DGKH: variants seen among roughly 807,000 people sequenced by gnomAD.
DGKH encodes diacylglycerol kinase eta.
DGKH carries 90 observed loss-of-function variants against 159.3 expected under a neutral mutation model. The observed-to-expected ratio is 0.57, with a 90% confidence interval of 0.48 to 0.67. DGKH has a LOEUF of 0.67. Among genes scored for constraint, DGKH ranks in the 30% least tolerant of loss-of-function variants. The probability of loss-of-function intolerance (pLI) is 0.00; values close to 1 mark genes in which losing one functional copy is unlikely to be tolerated. For missense variants in DGKH, 1,181 were observed against 1,506.1 expected (o/e 0.78, Z 3.57); for synonymous variants, 536 against 553.8 (o/e 0.97, Z 0.45).
At chr13:42,159,874 C>T (rs368272579) in intron 6 of DGKH, 137 bp from the exon 7 acceptor site, 7 of 1,240,796 alleles carry the variant, frequency 5.6e-6, no homozygotes, top group South Asian at 1.4e-5. Flanking sequence ...GCTCAATAAA[C>T]GTGGGGTAAA....
rs1958512515 is a variant in DGKH, at chr13:42,241,475, G to A, written c.*12287G>A. On this transcript the variant is annotated 3_prime_UTR_variant, in exon 30 of 30. Coordinates refer to ENST00000337343, the MANE Select transcript of DGKH (RefSeq NM_178009.5). ...AGCCACCAATAATTTTGACTGTTTT[G>A]TCAAGTACATATTTCATCAATCCTA... 1 of 152,120 alleles carries A rather than the reference G, an allele frequency of 6.6e-6. No individual in the cohort carries two copies. The highest frequency in any genetic ancestry group is 2.1e-4 in the South Asian group (1 of 4,822). The allele number at this position is 152,120 out of a possible 1,614,324, so 9.4% of individuals were successfully genotyped here.
chr13:42,207,058 C>CTTTCT (rs1957506547), intron 21 of DGKH, among the ~76,000 whole-genome samples: 2 of 27,860 alleles, frequency 7.2e-5, no homozygotes, highest in African/African-American at 1.2e-4. Context: ...TCCTTCTTTC[C>CTTTCT]TTCCTTCTTT....
chr13:42,170,740 C>T (rs896377107), intron 11 of DGKH, among the ~76,000 whole-genome samples: 1 of 152,048 alleles, frequency 6.6e-6, no homozygotes, highest in African/African-American at 2.4e-5. Flanking sequence ...GTCAGGAGTT[C>T]GAGACCAGCC....
chr13:42,205,916 G>C (rs905016634), intron 20 of DGKH, 123 bp from the exon 21 acceptor site: 6 of 458,106 alleles, frequency 1.3e-5, no homozygotes, highest in Non-Finnish European at 2.2e-5. Context: ...CGTGTAGAGA[G>C]CAGACATTAC....
At chr13:42,198,117 G>A (rs1013284836) in intron 17 of DGKH, among the ~76,000 whole-genome samples, 7 of 152,066 alleles carry the variant, frequency 4.6e-5, no homozygotes, top group Admixed American at 1.3e-4. Context: ...GGGTAATTCC[G>A]CCTTTATTGT....
chr13:42,146,299 C>T (rs937616467), intron 3 of DGKH, among the ~76,000 whole-genome samples: 4 of 151,964 alleles, frequency 2.6e-5, no homozygotes, highest in East Asian at 1.9e-4. Flanking sequence ...TTCTAAAAGG[C>T]GTTTACCTGA....
In DGKH at chr13:42,127,323, A is replaced by G. The variant is rs1267779962; in HGVS notation, c.193-140A>G. On this transcript the variant is annotated intron_variant, in intron 1 of 29. Transcript: ENST00000337343. ...TTTGCACATATGCAAAGCTGTGGTG[A>G]GAGTAAAATATTCTCCTGTAATTTG... 1.1e-5 allele frequency: 7 copies of G among 660,036 alleles called. No individual in the cohort carries two copies. The Admixed American group carries it at 1.9e-4, about 18-fold the overall frequency. 40.9% of individuals were successfully genotyped at this position (660,036 alleles called of 1,614,324 possible). A position where few individuals can be genotyped will look rare whatever the true frequency, so the allele number is the denominator to read the frequency against.
intron 1 of DGKH, among the ~76,000 whole-genome samples, chr13:42,099,285 A>G (rs768344516): frequency 3.3e-5 from 5 of 152,106 alleles, no homozygotes; most frequent in African/African-American, 1.2e-4. Flanking sequence ...TGTCCATTCA[A>G]TCTAGTGCCT....
rs571128986 is a variant in DGKH at position 42,109,949 on chromosome 13, G to T, written c.193-17514G>T. Among the ~76,000 whole-genome samples, 12 of 152,240 alleles carry T rather than the reference G, an allele frequency of 7.9e-5. No individual in the cohort carries two copies. In the South Asian group the frequency reaches 2.3e-3, roughly 29 times the overall value. ...GATATTAAATATAACATATATATGT[G>T]TATCTATCTATATCTATCTATCTAT... On this transcript the variant is annotated intron_variant, in intron 1 of 29. Coordinates refer to ENST00000337343, the MANE Select transcript of DGKH (RefSeq NM_178009.5).
chr13:42,144,067 G>A (rs1044995241), intron 3 of DGKH, among the ~76,000 whole-genome samples: 1 of 152,142 alleles, frequency 6.6e-6, no homozygotes, highest in Admixed American at 6.6e-5. Context: ...CTGATACACA[G>A]TAACCATCTC....
chr13:42,070,101 A>G lies in DGKH; in HGVS notation c.192+21136A>G. On this transcript the variant is annotated intron_variant, in intron 1 of 29. Coordinates refer to ENST00000337343, the MANE Select transcript of DGKH (RefSeq NM_178009.5). ...GAGCTTCATCTTCAATATGAAAAGG[A>G]TGGCTTGAAATTGGCTTATCCATTG... The G allele has an allele frequency of 5.2e-6, 5 of 961,622 alleles. No individual in the cohort carries two copies. In the Admixed American group the frequency reaches 6.8e-5, roughly 13 times the overall value. The allele number at this position is 961,622 out of a possible 1,614,324, so 59.6% of individuals were successfully genotyped here.
intron 9 of DGKH, 131 bp downstream of exon 9, chr13:42,166,805 G>A (rs1956326531): frequency 2.7e-6 from 2 of 740,574 alleles, no homozygotes; most frequent in Admixed American, 4.2e-5. Context: ...CTAATTATAA[G>A]TTTTAACACA....
At chr13:42,077,440 T>C (rs942895) in intron 1 of DGKH, among the ~76,000 whole-genome samples, 37,556 of 152,112 alleles carry the variant, frequency 0.25, 5,192 homozygotes, top group Admixed American at 0.35. Context: ...TATTGATTAT[T>C]ACTGGTGACA....
intron 30 of DGKH, among the ~76,000 whole-genome samples, chr13:42,255,310 A>T (rs1009231653): frequency 2.0e-5 from 3 of 152,042 alleles, no homozygotes; most frequent in African/African-American, 7.2e-5. Context: ...GAATTTTTTT[A>T]AAAAACCAAC....
intron 29 of DGKH, 37 bp downstream of exon 29, chr13:42,221,431 A>T: frequency 6.2e-7 from 1 of 1,607,378 alleles, no homozygotes; most frequent in Non-Finnish European, 8.5e-7. Flanking sequence ...TGAAAATTTT[A>T]TTGCAAAACA....
At chr13:42,075,225 C>A (rs1302485635) in intron 1 of DGKH, among the ~76,000 whole-genome samples, 1 of 152,044 alleles carries the variant, frequency 6.6e-6, no homozygotes, top group South Asian at 2.1e-4. Context: ...TGTACATTTT[C>A]TAGTGGTGTT....
chr13:42,185,336 T>C (rs971364220), intron 13 of DGKH, among the ~76,000 whole-genome samples: 5 of 152,196 alleles, frequency 3.3e-5, no homozygotes, highest in Admixed American at 3.3e-4. Context: ...AACCTTCACA[T>C]GCCCCTTCCT....
chr13:42,187,803 T>C (rs1056164189), intron 14 of DGKH, among the ~76,000 whole-genome samples: 3 of 152,232 alleles, frequency 2.0e-5, no homozygotes, highest in African/African-American at 7.2e-5. Flanking sequence ...TCTTCCAGCA[T>C]GGTTCTTTGG....
chr13:42,188,028 C>A (rs1198795156), intron 14 of DGKH, among the ~76,000 whole-genome samples: 3 of 151,738 alleles, frequency 2.0e-5, no homozygotes, highest in Admixed American at 2.0e-4. Context: ...TTCCCCAAAT[C>A]CATGTTGGAG....
Sources: gnomAD v4.1 joint callset for allele counts (sites outside exome capture counted in the v4.1 genomes callset) on GRCh38, gnomAD v4.1.1 for gene constraint, MANE v1.5 for transcripts, NCBI Gene and HGNC (gene_info 2026-07-23, HGNC 2026-07-21) for gene names.